CPQ: variants seen among roughly 807,000 people sequenced by gnomAD.
The protein encoded by CPQ is carboxypeptidase Q, also known as Ser-Met dipeptidase.
In CPQ, 37 loss-of-function variants were observed where a neutral mutation model predicts 45.7. The observed-to-expected ratio is 0.81, with a 90% confidence interval of 0.62 to 1.07. CPQ has a LOEUF of 1.07. Among genes scored for constraint, CPQ ranks in the 50% least tolerant of loss-of-function variants. The pLI, the probability that CPQ is intolerant of heterozygous loss-of-function variation, is 0.00. For synonymous variants in CPQ, 186 were observed against 205.8 expected, an observed-to-expected ratio of 0.90 and a Z score of 0.82; for missense variants, 537 against 572.9, an observed-to-expected ratio of 0.94 and a Z score of 0.64.
At chr8:96,661,668 A>G (rs1019069391) in intron 1 of CPQ, among the ~76,000 whole-genome samples, 1 of 152,138 alleles carries the variant, frequency 6.6e-6, no homozygotes, top group African/African-American at 2.4e-5. Flanking sequence ...GGTGTGCTAC[A>G]GTTTATTTAT....
chr8:96,655,098 A>G (rs1815623169), intron 1 of CPQ, among the ~76,000 whole-genome samples: 1 of 151,334 alleles, frequency 6.6e-6, no homozygotes, highest in African/African-American at 2.4e-5. Context: ...CATCTTGGTG[A>G]TTTTTTTTAA....
chr8:97,102,866 G>A (rs761407285), intron 7 of CPQ, among the ~76,000 whole-genome samples: 5 of 152,152 alleles, frequency 3.3e-5, no homozygotes, highest in Non-Finnish European at 7.4e-5. Context: ...ACAAAAAAGT[G>A]TCTTTTTTTA....
intron 1 of CPQ, among the ~76,000 whole-genome samples, chr8:96,744,321 C>T (rs553737656): frequency 3.3e-5 from 5 of 152,000 alleles, no homozygotes; most frequent in East Asian, 3.9e-4. Flanking sequence ...GGCAATGCCT[C>T]GCCCTGCTTC....
chr8:96,902,597 C>T (rs1254347195), intron 4 of CPQ, among the ~76,000 whole-genome samples: 1 of 152,144 alleles, frequency 6.6e-6, no homozygotes, highest in Non-Finnish European at 1.5e-5. Context: ...TCCATCTGGG[C>T]CCACTGCATC....
chr8:97,136,819 C>G (rs544135239), intron 7 of CPQ, among the ~76,000 whole-genome samples: 3 of 152,286 alleles, frequency 2.0e-5, no homozygotes, highest in Non-Finnish European at 4.4e-5. Flanking sequence ...TTTATGACTC[C>G]CTCTTCAGAG....
intron 7 of CPQ, among the ~76,000 whole-genome samples, chr8:97,124,300 G>T (rs1006208868): frequency 1.9e-4 from 28 of 147,348 alleles, no homozygotes; most frequent in Non-Finnish European, 1.5e-5. Flanking sequence ...AGAAAAAACT[G>T]ACAGAATTGA....
intron 2 of CPQ, among the ~76,000 whole-genome samples, chr8:96,804,578 A>T (rs1399594140): frequency 6.6e-6 from 1 of 151,768 alleles, no homozygotes; most frequent in Non-Finnish European, 1.5e-5. Flanking sequence ...TAGTTTTTTT[A>T]ATTTTAAAAA....
chr8:96,833,357 C>A (rs1457206363), intron 2 of CPQ, among the ~76,000 whole-genome samples: 1 of 152,092 alleles, frequency 6.6e-6, no homozygotes, highest in Non-Finnish European at 1.5e-5. Context: ...TAATGAAGTA[C>A]CACCCTCGTG....
At chr8:96,693,517 C>T (rs1266095783) in intron 1 of CPQ, among the ~76,000 whole-genome samples, 2 of 152,122 alleles carry the variant, frequency 1.3e-5, no homozygotes, top group African/African-American at 4.8e-5. Flanking sequence ...TGGCAGCAGA[C>T]TTCAGTGAAA....
intron 5 of CPQ, among the ~76,000 whole-genome samples, chr8:97,015,917 G>C (rs1809571065): frequency 6.6e-6 from 1 of 151,982 alleles, no homozygotes; most frequent in African/African-American, 2.4e-5. Context: ...TATAATTTTT[G>C]TACGTACATA....
intron 4 of CPQ, among the ~76,000 whole-genome samples, chr8:96,964,808 C>T (rs1291817490): frequency 6.6e-6 from 1 of 151,988 alleles, no homozygotes; most frequent in African/African-American, 2.4e-5. Context: ...TATTCTATGC[C>T]TTCCTCTAAA....
intron 1 of CPQ, among the ~76,000 whole-genome samples, chr8:96,729,652 C>T (rs1809884872): frequency 6.6e-6 from 1 of 152,080 alleles, no homozygotes; most frequent in East Asian, 1.9e-4. Context: ...TGTTATCTCA[C>T]CTTTACATAT....
intron 3 of CPQ, among the ~76,000 whole-genome samples, chr8:96,872,273 A>C (rs1466283169): frequency 6.6e-6 from 1 of 151,934 alleles, no homozygotes; most frequent in Non-Finnish European, 1.5e-5. Flanking sequence ...TCTGTGCATG[A>C]AACAAAATTT....
intron 1 of CPQ, among the ~76,000 whole-genome samples, chr8:96,647,562 G>T (rs1181405842): frequency 6.6e-6 from 1 of 152,054 alleles, no homozygotes; most frequent in African/African-American, 2.4e-5. Context: ...ATGGAAACAG[G>T]GTTTCTCCCA....
intron 4 of CPQ, among the ~76,000 whole-genome samples, chr8:96,893,906 C>G (rs1812409539): frequency 1.3e-5 from 2 of 152,092 alleles, no homozygotes; most frequent in African/African-American, 4.8e-5. Context: ...GAATTCTCTT[C>G]CCCTGCATGT....
chr8:97,076,938 A>G (rs1366829298), intron 7 of CPQ, among the ~76,000 whole-genome samples: 1 of 152,186 alleles, frequency 6.6e-6, no homozygotes, highest in East Asian at 1.9e-4. Context: ...AGAAGTCTTT[A>G]TGATAACATA....
intron 4 of CPQ, among the ~76,000 whole-genome samples, chr8:96,902,755 C>T (rs1445266528): frequency 6.6e-6 from 1 of 152,112 alleles, no homozygotes; most frequent in Non-Finnish European, 1.5e-5. Flanking sequence ...CAATGTGGCC[C>T]CACATGTGTT....
intron 1 of CPQ, among the ~76,000 whole-genome samples, chr8:96,749,777 C>T (rs1810235401): frequency 6.6e-6 from 1 of 152,064 alleles, no homozygotes; most frequent in Non-Finnish European, 1.5e-5. Context: ...ATTGGTACAG[C>T]CTTTCTGGAG....
chr8:96,902,947 G>T (rs538651093), intron 4 of CPQ, among the ~76,000 whole-genome samples: 2 of 152,328 alleles, frequency 1.3e-5, no homozygotes, highest in Admixed American at 6.5e-5. Context: ...TTGTCAAGTG[G>T]ACACACCAGC....
Sources: gnomAD v4.1 joint callset for allele counts (sites outside exome capture counted in the v4.1 genomes callset) on GRCh38, gnomAD v4.1.1 for gene constraint, MANE v1.5 for transcripts, NCBI Gene and HGNC (gene_info 2026-07-23, HGNC 2026-07-21) for gene names.